Variants in WIZ observed in about 807,000 individuals in gnomAD.
WIZ encodes WIZ zinc finger, also known as protein Wiz.
In WIZ, 25 loss-of-function variants were observed where a neutral mutation model predicts 140.2. That is an observed-to-expected ratio of 0.18 (90% CI 0.13 to 0.25). WIZ has a LOEUF of 0.25. Among genes scored for constraint, WIZ ranks in the 10% least tolerant of loss-of-function variants. The pLI is 1.00. For synonymous variants in WIZ, 1,125 were observed against 1,154.3 expected (o/e 0.97, Z 0.51); for missense variants, 2,231 against 2,632.6 (o/e 0.85, Z 3.34).
In WIZ at chr19:15,425,748, G is replaced by A. The variant is rs758544502; in HGVS notation, c.4387C>T (p.Arg1463Cys). Residue 1463 changes from arginine to cysteine, a missense_variant, in exon 10 of 13, where the codon CGC becomes TGC. Transcript: ENST00000673675. ...CCGCAGAACTCACAGCGGATGTCGCGCACCGGCTCTGCCCGGGACGCTGCA... is the reference window on the plus strand; with the variant it reads ...CCGCAGAACTCACAGCGGATGTCGCACACCGGCTCTGCCCGGGACGCTGCA... ...LNLSSRAEPV[R>C]DIRCEFCGEF... The A allele has an allele frequency of 3.8e-6, 6 of 1,598,740 alleles. No individual in the cohort carries two copies. The African/African-American group carries it at 4.0e-5, about 11-fold the overall frequency.
intron 5 of WIZ, among the ~76,000 whole-genome samples, chr19:15,434,693 T>C (rs951779349): frequency 3.3e-5 from 5 of 151,944 alleles, no homozygotes; most frequent in Non-Finnish European, 7.4e-5. Flanking sequence ...AGAGCCCAAC[T>C]ACTTTTTGTA....
rs201153156 is a variant in WIZ at position 15,427,258 on chromosome 19, G to C, written c.4090C>G (p.Arg1364Gly). The C allele has an allele frequency of 7.4e-6, 12 of 1,613,670 alleles. No individual in the cohort carries two copies. The African/African-American group carries it at 1.5e-4, about 20-fold the overall frequency. ...GAGPGSSLEA[R>G]SPSDLHISPL... ...GAGATGTGAAGGTCCGAGGGGCTGCGGGCTTCCAGTGAGCTGCCAGGACCT... is the reference window on the plus strand; with the variant it reads ...GAGATGTGAAGGTCCGAGGGGCTGCCGGCTTCCAGTGAGCTGCCAGGACCT... The change falls in exon 9 of 13, where the codon CGC (arginine) becomes GGC (glycine). Residue 1364 changes from arginine to glycine, a missense_variant. Arg to Gly is a moderately radical substitution (Grantham distance 125). Transcript: ENST00000673675. This position sits in a 1 kb window ranked among gnomAD's most constrained non-coding sequence, Gnocchi z 6.4.
intron 2 of WIZ, among the ~76,000 whole-genome samples, chr19:15,447,893 T>C (rs562770217): frequency 4.6e-5 from 7 of 152,298 alleles, no homozygotes; most frequent in African/African-American, 1.7e-4. Flanking sequence ...TACCACCCAG[T>C]GGGGAGCCTT....
chr19:15,425,910 A>G (rs2145227473), intron 9 of WIZ, 142 bp from the exon 10 acceptor site: 1 of 579,124 alleles, frequency 1.7e-6, no homozygotes, highest in Non-Finnish European at 2.9e-6. Flanking sequence ...GAGGAGGAGG[A>G]GGAGAAGGAG....
At chr19:15,426,526 T>TA (rs1267658792) in intron 9 of WIZ, among the ~76,000 whole-genome samples, 1 of 152,206 alleles carries the variant, frequency 6.6e-6, no homozygotes, top group Non-Finnish European at 1.5e-5. Context: ...CAAGGTCACA[T>TA]AAAGCTAGAC....
Position 15,421,450 on chromosome 19 carries a change from C to T in WIZ, c.*1626G>A, listed in dbSNP as rs922504405. On this transcript the variant is annotated 3_prime_UTR_variant, in exon 13 of 13. Coordinates refer to ENST00000673675, the MANE Select transcript of WIZ (RefSeq NM_001371589.1). ...CCCTTCTGTCCACACGCCATGAGGT[C>T]GTTCCCACTCTCCAGCACTTGACCG... 1.3e-5 allele frequency: 2 copies of T among 152,294 alleles called. No homozygotes were observed. Among genetic ancestry groups the T allele is most frequent in the African/African-American group, 2.4e-5 (1 of 41,440 alleles). The allele number at this position is 152,294 out of a possible 1,614,324, so 9.4% of individuals were successfully genotyped here.
Position 15,434,487 on chromosome 19 carries a change from C to T in WIZ, c.2740+2319G>A, listed in dbSNP as rs1969443061. 2.7e-5 allele frequency among the ~76,000 whole-genome samples: 4 copies of T among 149,706 alleles called. No homozygotes were observed. In the South Asian group the frequency reaches 8.4e-4, roughly 32 times the overall value. ...CTGAGGCAGAAGAATGGTGTGAACC[C>T]AGGAGGTGGAGCTTGTAGTGAGCCG... On this transcript the variant is annotated intron_variant, in intron 5 of 12. Coordinates refer to ENST00000673675, the MANE Select transcript of WIZ (RefSeq NM_001371589.1).
rs1449568494 is a variant in WIZ at position 15,422,915 on chromosome 19, C to T, written c.*161G>A. 3.2e-5 allele frequency: 36 copies of T among 1,126,522 alleles called. No homozygotes were observed. Among genetic ancestry groups the T allele is most frequent in the East Asian group, 8.0e-5 (3 of 37,712 alleles). 69.8% of individuals were successfully genotyped at this position (1,126,522 alleles called of 1,614,324 possible). On this transcript the variant is annotated 3_prime_UTR_variant, in exon 13 of 13. Coordinates refer to ENST00000673675, the MANE Select transcript of WIZ (RefSeq NM_001371589.1). ...GGGGGAAGGGCAGCTAGCTGGCTCC[C>T]GGCGCCCTGGCTGTAGTGTGCCCGG...
In WIZ at chr19:15,439,423, T is replaced by A; in HGVS notation, c.1571A>T (p.Tyr524Phe). ...HACFPDTAVD[Y>F]FGKAEPSLAP... is the part of the protein sequence containing the mutation. ...CAAGGACGGCTCAGCTTTGCCAAAGTAGTCCACAGCAGTGTCAGGGAAGCA... is the reference window on the plus strand; with the variant it reads ...CAAGGACGGCTCAGCTTTGCCAAAGAAGTCCACAGCAGTGTCAGGGAAGCA... The change falls in exon 4 of 13, where the codon TAC becomes TTC. Residue 524 changes from tyrosine to phenylalanine, a missense_variant. Tyr to Phe is a conservative substitution (Grantham distance 22). Coordinates refer to ENST00000673675, the MANE Select transcript of WIZ (RefSeq NM_001371589.1). This position sits in a 1 kb window ranked among gnomAD's most constrained non-coding sequence, Gnocchi z 7.0. 2 of 1,528,622 alleles carry A rather than the reference T, an allele frequency of 1.3e-6. No individual in the cohort carries two copies. Among genetic ancestry groups the A allele is most frequent in the Non-Finnish European group, 1.8e-6 (2 of 1,141,930 alleles). The allele number at this position is 1,528,622 out of a possible 1,614,324, so 94.7% of individuals were successfully genotyped here.
Position 15,424,453 on chromosome 19 carries a change from G to C in WIZ, c.5315-75C>G. ...GAGACTTGGAATACACAAGAGCTGA[G>C]GACTGATGCTACCTGGATGGGTGGG... is the stretch of plus-strand genomic sequence containing the variant. On this transcript the variant is annotated intron_variant, in intron 11 of 12. Transcript: ENST00000673675. The surrounding 1 kb of genome is among the most constrained non-coding windows in gnomAD (Gnocchi z 9.7). 2 of 1,555,076 alleles carry C rather than the reference G, an allele frequency of 1.3e-6. No homozygotes were observed. The highest frequency in any genetic ancestry group is 1.7e-6 in the Non-Finnish European group (2 of 1,148,786).
At chr19:15,436,090 T>C (rs997705953) in intron 5 of WIZ, among the ~76,000 whole-genome samples, 1 of 152,098 alleles carries the variant, frequency 6.6e-6, no homozygotes, top group African/African-American at 2.4e-5. Context: ...GCCACTGAGC[T>C]CCAGCCGGGG....
rs752270417 is a variant in WIZ, at chr19:15,439,971, C to G, written c.1023G>C (p.Pro341=). ...CCAGGTCCGCAGGGGGCTCCTGGCC[C>G]GGGGCTCGGCGGTGCTGGCTCATGT... ...LEHMSQHRRA[P]GQEPPADLAP... The change falls in exon 4 of 13, where the codon CCG becomes CCC. Residue 341 remains proline, a synonymous_variant. Transcript: ENST00000673675. The surrounding 1 kb of genome is among the most constrained non-coding windows in gnomAD (Gnocchi z 7.0). 1.3e-6 allele frequency: 2 copies of G among 1,535,596 alleles called. No homozygotes were observed. The highest frequency in any genetic ancestry group is 2.4e-5 in the South Asian group (2 of 84,042).
In WIZ at chr19:15,424,140, GT is replaced by G; in HGVS notation, c.5510+42del. 1.4e-6 allele frequency: 2 copies of G among 1,440,508 alleles called. No individual in the cohort carries two copies. The highest frequency in any genetic ancestry group is 3.0e-5 in the South Asian group (2 of 66,812). 89.2% of individuals were successfully genotyped at this position (1,440,508 alleles called of 1,614,324 possible). On this transcript the variant is annotated intron_variant, in intron 12 of 12. Transcript: ENST00000673675. The surrounding 1 kb of genome is among the most constrained non-coding windows in gnomAD (Gnocchi z 9.7). Reference sequence around the variant, plus strand: ...TGTTCCAAGGCTCCGGGTGACCAAGGTCCACTCAGGTGGTCTCCCTCCCTCC... The same window carrying G: ...TGTTCCAAGGCTCCGGGTGACCAAGGCCACTCAGGTGGTCTCCCTCCCTCC...
Position 15,440,309 on chromosome 19 carries a change from G to A in WIZ, c.685C>T (p.Leu229=). Residue 229 remains leucine (L), a synonymous_variant, in exon 4 of 13, where the codon CTG becomes TTG. Coordinates refer to ENST00000673675, the MANE Select transcript of WIZ (RefSeq NM_001371589.1). This position sits in a 1 kb window ranked among gnomAD's most constrained non-coding sequence, Gnocchi z 6.2. ...FVPVEDTPKT[L]DMAVVGGRED... Reference sequence around the variant, plus strand: ...CTGCCACCCACCACCGCCATGTCCAGCGTCTTCGGGGTGTCTTCCACTGGC... The same window carrying A: ...CTGCCACCCACCACCGCCATGTCCAACGTCTTCGGGGTGTCTTCCACTGGC... The A allele has an allele frequency of 6.6e-7, 1 of 1,511,868 alleles. No individual in the cohort carries two copies. Among genetic ancestry groups the A allele is most frequent in the Non-Finnish European group, 8.8e-7 (1 of 1,133,092 alleles). The allele number at this position is 1,511,868 out of a possible 1,614,324, so 93.7% of individuals were successfully genotyped here.
In WIZ at chr19:15,425,513, G is replaced by A; in HGVS notation, c.4622C>T (p.Ala1541Val). 1 of 1,611,010 alleles carries A rather than the reference G, an allele frequency of 6.2e-7. No individual in the cohort carries two copies. Among genetic ancestry groups the A allele is most frequent in the Non-Finnish European group, 8.5e-7 (1 of 1,178,790 alleles). Reference protein sequence around the residue: ...ALAEDGPPTVAPGPVQSPLPL... With the variant: ...ALAEDGPPTVVPGPVQSPLPL... The stretch of plus-strand genomic sequence containing the variant: ...CAGTGGGGACTGCACGGGCCCAGGG[G>A]CCACGGTGGGAGGCCCGTCCTCAGC... The change falls in exon 10 of 13, where the codon GCC (alanine) becomes GTC (valine). Residue 1541 changes from alanine (A) to valine (V), a missense_variant. Transcript: ENST00000673675.
chr19:15,433,975 C>T (rs1019607390), intron 5 of WIZ, among the ~76,000 whole-genome samples: 3 of 152,166 alleles, frequency 2.0e-5, no homozygotes, highest in African/African-American at 7.2e-5. Context: ...ACCGAAGGGG[C>T]CGGGTGCGGT....
At position 15,421,113 on chromosome 19, in the gene WIZ, C is replaced by A. The variant is rs1968352136; in HGVS notation, c.*1963G>T. 1 of 152,036 alleles carries A rather than the reference C, an allele frequency of 6.6e-6. No individual in the cohort carries two copies. The highest frequency in any genetic ancestry group is 1.5e-5 in the Non-Finnish European group (1 of 68,024). 9.4% of individuals were successfully genotyped at this position (152,036 alleles called of 1,614,324 possible). A position where few individuals can be genotyped will look rare whatever the true frequency, so the allele number is the denominator to read the frequency against. ...CTTGGGCAACAAAATGAGACCCTGTCTCAAAAAATAAAATAAAAAAATAAA... is the reference window on the plus strand; with the variant it reads ...CTTGGGCAACAAAATGAGACCCTGTATCAAAAAATAAAATAAAAAAATAAA... On this transcript the variant is annotated 3_prime_UTR_variant, in exon 13 of 13. Transcript: ENST00000673675.
intron 4 of WIZ, 43 bp from the exon 5 acceptor site, chr19:15,437,172 A>G: frequency 1.3e-6 from 2 of 1,499,686 alleles, no homozygotes; most frequent in Non-Finnish European, 9.0e-7. Flanking sequence ...AGAGGGGGCT[A>G]CTCCCCAGCC....
chr19:15,429,560 C>T, intron 7 of WIZ, 26 bp downstream of exon 7: 3 of 1,344,970 alleles, frequency 2.2e-6, no homozygotes, highest in Non-Finnish European at 2.9e-6. Context: ...CCAGAACCTC[C>T]CTCGGCTCTT....
Sources: gnomAD v4.1 joint callset for allele counts (sites outside exome capture counted in the v4.1 genomes callset) on GRCh38, gnomAD v4.1.1 for gene constraint, Gnocchi (gnomAD v3.1) non-coding constraint, MANE v1.5 for transcripts, NCBI Gene and HGNC (gene_info 2026-07-23, HGNC 2026-07-21) for gene names.